GFRA1: variants seen among roughly 807,000 people sequenced by gnomAD.
The protein encoded by GFRA1 is GDNF family receptor alpha 1.
GFRA1 carries 16 observed loss-of-function variants against 51.6 expected under a neutral mutation model. The observed-to-expected ratio is 0.31, with a 90% CI of 0.21 to 0.47. The LOEUF is 0.47. Ranked by LOEUF, GFRA1 falls within the 20% of genes least tolerant of loss-of-function variation. The pLI, the probability that GFRA1 is intolerant of heterozygous loss-of-function variation, is 1.00. For synonymous variants in GFRA1, 270 were observed against 241.3 expected, an observed-to-expected ratio of 1.12 and a Z score of -1.10; for missense variants, 530 against 594.3, an observed-to-expected ratio of 0.89 and a Z score of 1.13.
rs980532270 is a variant in GFRA1 at position 116,063,382 on chromosome 10, T to C, written c.*1016A>G. ...ACTTTCTGCTACAGCACGAGGCTTC[T>C]CAGAGTCTGCTTTTGATGAGCTGTA... is the stretch of plus-strand genomic sequence containing the variant. On this transcript the variant is annotated 3_prime_UTR_variant, in exon 11 of 11. Coordinates refer to ENST00000355422, the MANE Select transcript of GFRA1 (RefSeq NM_005264.8). 3.3e-5 allele frequency: 5 copies of C among 152,256 alleles called. No individual in the cohort carries two copies. The highest frequency in any genetic ancestry group is 5.9e-5 in the Non-Finnish European group (4 of 68,050). 9.4% of individuals were successfully genotyped at this position (152,256 alleles called of 1,614,324 possible).
intron 5 of GFRA1, among the ~76,000 whole-genome samples, chr10:116,178,147 G>C (rs1961814720): frequency 6.6e-6 from 1 of 152,216 alleles, no homozygotes; most frequent in Admixed American, 6.5e-5. Context: ...ACTACATGCA[G>C]ATCTTGTTTG....
At chr10:116,136,155 A>C (rs554605477) in intron 5 of GFRA1, among the ~76,000 whole-genome samples, 15 of 152,236 alleles carry the variant, frequency 9.9e-5, no homozygotes, top group Non-Finnish European at 2.1e-4. Flanking sequence ...GAGATCTACA[A>C]ACATTTCCCG....
intron 4 of GFRA1, among the ~76,000 whole-genome samples, chr10:116,216,321 A>G (rs1338685990): frequency 6.6e-6 from 1 of 152,168 alleles, no homozygotes; most frequent in Non-Finnish European, 1.5e-5. Context: ...TTAGCAGTGC[A>G]CAGAGCCACG....
intron 6 of GFRA1, among the ~76,000 whole-genome samples, chr10:116,107,772 ATG>A (rs1957059672): frequency 6.6e-6 from 1 of 151,666 alleles, no homozygotes; most frequent in African/African-American, 2.4e-5. Context: ...CTGAACTCTA[ATG>A]AGCTTAGGAA....
At chr10:116,229,991 C>A (rs1966580819) in intron 4 of GFRA1, among the ~76,000 whole-genome samples, 1 of 152,106 alleles carries the variant, frequency 6.6e-6, no homozygotes, top group Non-Finnish European at 1.5e-5. Context: ...TGAGCAAATC[C>A]CTGCTGTGTC....
At chr10:116,205,074 C>A (rs980366814) in intron 5 of GFRA1, among the ~76,000 whole-genome samples, 1 of 152,118 alleles carries the variant, frequency 6.6e-6, no homozygotes, top group South Asian at 2.1e-4. Context: ...TATATATAAA[C>A]ATAGAAAATG....
At chr10:116,195,183 G>A (rs979354246) in intron 5 of GFRA1, among the ~76,000 whole-genome samples, 3 of 152,064 alleles carry the variant, frequency 2.0e-5, no homozygotes, top group African/African-American at 4.8e-5. Flanking sequence ...CTCCCCCATT[G>A]AGCTTTCTTT....
intron 10 of GFRA1, among the ~76,000 whole-genome samples, chr10:116,065,330 C>T (rs1955052751): frequency 6.6e-6 from 1 of 152,146 alleles, no homozygotes; most frequent in Non-Finnish European, 1.5e-5. Context: ...GGCTCAGGGC[C>T]CTGGAACACT....
chr10:116,226,855 C>A, intron 4 of GFRA1: 1 of 290,422 alleles, frequency 3.4e-6, no homozygotes, highest in Non-Finnish European at 7.1e-6. Flanking sequence ...TCATAAGGAG[C>A]ACGCAACATA....
At chr10:116,129,649 A>G (rs899435685) in intron 5 of GFRA1, among the ~76,000 whole-genome samples, 1 of 152,110 alleles carries the variant, frequency 6.6e-6, no homozygotes, top group Non-Finnish European at 1.5e-5. Flanking sequence ...GATGTCCTAT[A>G]CATCTCTAAA....
intron 4 of GFRA1, among the ~76,000 whole-genome samples, chr10:116,239,757 C>T (rs1225207483): frequency 6.6e-6 from 1 of 152,132 alleles, no homozygotes; most frequent in East Asian, 1.9e-4. Flanking sequence ...TGCTGATCTT[C>T]ATCAAAAGAT....
chr10:116,265,827 T>C (rs971643015), intron 4 of GFRA1, among the ~76,000 whole-genome samples: 3 of 152,022 alleles, frequency 2.0e-5, no homozygotes, highest in African/African-American at 7.3e-5. Context: ...CCCGCTCGCT[T>C]CATGTTCCAG....
chr10:116,127,783 C>T (rs1183983959), intron 5 of GFRA1, among the ~76,000 whole-genome samples: 1 of 152,150 alleles, frequency 6.6e-6, no homozygotes, highest in Admixed American at 6.5e-5. Flanking sequence ...CTATTGAGCC[C>T]AGGGCAGTGA....
intron 5 of GFRA1, among the ~76,000 whole-genome samples, chr10:116,179,551 C>CTCTTCACCG (rs1962003786): frequency 6.6e-6 from 1 of 152,202 alleles, no homozygotes; most frequent in Admixed American, 6.5e-5. Flanking sequence ...AGAATCCATG[C>CTCTTCACCG]TCTTCACCGT....
At chr10:116,112,952 C>A (rs1957270346) in intron 6 of GFRA1, among the ~76,000 whole-genome samples, 1 of 152,198 alleles carries the variant, frequency 6.6e-6, no homozygotes, top group Admixed American at 6.5e-5. Flanking sequence ...CGCTGGTGCA[C>A]ACACAAGTCT....
rs5788130 is a variant in GFRA1, at chr10:116,084,761, A to AACACACACAC, written c.1197+4970_1197+4979dup. Among the ~76,000 whole-genome samples the AACACACACAC allele has an allele frequency of 4.3e-5, 6 of 140,174 alleles. 1 individual carries two copies. The highest frequency in any genetic ancestry group is 1.4e-4 in the Admixed American group (2 of 14,020). 92.0% of individuals were successfully genotyped at this position (140,174 alleles called of 152,430 possible). The stretch of plus-strand genomic sequence containing the variant: ...CCAAAGATATTTACTTTAAATAAGT[A>AACACACACAC]ACACACACACACACACACACACACA... On this transcript the variant is annotated intron_variant, in intron 9 of 10. Coordinates refer to ENST00000355422, the MANE Select transcript of GFRA1 (RefSeq NM_005264.8).
intron 4 of GFRA1, among the ~76,000 whole-genome samples, chr10:116,231,103 C>T (rs995166314): frequency 2.6e-5 from 4 of 152,154 alleles, no homozygotes; most frequent in African/African-American, 7.2e-5. Context: ...CATGAGGGGT[C>T]ATGAACACTT....
chr10:116,269,308 A>G (rs528043080), intron 4 of GFRA1, among the ~76,000 whole-genome samples, 195 bp downstream of exon 4: 10 of 152,296 alleles, frequency 6.6e-5, no homozygotes, highest in Non-Finnish European at 1.0e-4. Flanking sequence ...ACATTACTTC[A>G]TTTAGAATTA....
chr10:116,151,654 G>A (rs1401931763), intron 5 of GFRA1, among the ~76,000 whole-genome samples: 2 of 152,090 alleles, frequency 1.3e-5, no homozygotes, highest in African/African-American at 2.4e-5. Context: ...GACATAGAAC[G>A]GGGCACCAGG....
Sources: gnomAD v4.1 joint callset for allele counts (sites outside exome capture counted in the v4.1 genomes callset) on GRCh38, gnomAD v4.1.1 for gene constraint, MANE v1.5 for transcripts, NCBI Gene and HGNC (gene_info 2026-07-23, HGNC 2026-07-21) for gene names.